The following MUC3A variants were observed in gnomAD, a reference collection of about 807,000 sequenced individuals.
MUC3A encodes mucin-3A.
Under a neutral mutation model 109.0 loss-of-function variants are expected in MUC3A, and 109 were observed. That is an observed-to-expected ratio of 1.00 (90% CI 0.86 to 1.17). The LOEUF is 1.17. Among genes scored for constraint, MUC3A ranks in the 50% most tolerant of loss-of-function variants. MUC3A has a pLI of 0.00. For synonymous variants in MUC3A, 1,398 were observed against 981.4 expected, an observed-to-expected ratio of 1.42 and a Z score of -7.93; for missense variants, 3,537 against 2,469.4, an observed-to-expected ratio of 1.43 and a Z score of -9.16.
Position 100,962,811 on chromosome 7 carries a change from C to CTCTT in MUC3A, c.9053-318_9053-315dup, listed in dbSNP as rs955627924. On this transcript the variant is annotated intron_variant, in intron 3 of 11. Transcript: ENST00000379458. ...TCTTTCTTTCTTTCTCTCTCTCTCT[C>CTCTT]TCTTTCTTTCTTTCTTTCTTTCTTT... is the stretch of plus-strand genomic sequence containing the variant. Among the ~76,000 whole-genome samples the CTCTT allele has an allele frequency of 1.1e-3, 137 of 126,564 alleles. 1 individual carries two copies. Among genetic ancestry groups the CTCTT allele is most frequent in the Admixed American group, 2.2e-3 (27 of 12,446 alleles). The allele number at this position is 126,564 out of a possible 152,430, so 83.0% of individuals were successfully genotyped here.
Position 100,956,798 on chromosome 7 carries a change from G to C in MUC3A, c.5019G>C (p.Gly1673=), listed in dbSNP as rs931883776. 1 of 413,172 alleles carries C rather than the reference G, an allele frequency of 2.4e-6. No homozygotes were observed. Among genetic ancestry groups the C allele is most frequent in the Non-Finnish European group, 4.2e-6 (1 of 236,450 alleles). 25.6% of individuals were successfully genotyped at this position (413,172 alleles called of 1,614,324 possible). A position where few individuals can be genotyped will look rare whatever the true frequency, so the allele number is the denominator to read the frequency against. ...FSSSMSASSV[G]TTHTQSISSP... ...CTTCCATGTCTGCCAGCAGTGTAGG[G>C]ACCACTCACACCCAGAGTATCTCCT... is the stretch of plus-strand genomic sequence containing the variant. Residue 1673 remains glycine, a synonymous_variant, in exon 2 of 12, where the codon GGG becomes GGC. Transcript: ENST00000379458.
Position 100,966,521 on chromosome 7 carries a change from G to T in MUC3A, c.9747G>T (p.Ala3249=). The T allele has an allele frequency of 2.3e-6, 3 of 1,312,384 alleles. No homozygotes were observed. The highest frequency in any genetic ancestry group is 2.9e-6 in the Non-Finnish European group (3 of 1,040,682). The allele number at this position is 1,312,384 out of a possible 1,614,324, so 81.3% of individuals were successfully genotyped here. The change falls in exon 9 of 12, where the codon GCG becomes GCT. Residue 3249 remains alanine, a synonymous_variant. Coordinates refer to ENST00000379458, the MANE Select transcript of MUC3A (RefSeq NM_005960.2). Reference sequence around the variant, plus strand: ...TGCTGCTGGCGCTGGGCGTCCGGGCGGTGCGCTCCGGATGGTGGGGCGGCC... The same window carrying T: ...TGCTGCTGGCGCTGGGCGTCCGGGCTGTGCGCTCCGGATGGTGGGGCGGCC... ...VLLLLALGVR[A]VRSGWWGGQR...
At position 100,964,871 on chromosome 7, in the gene MUC3A, G is replaced by A. The variant is rs778640785; in HGVS notation, c.9382+28G>A. The stretch of plus-strand genomic sequence containing the variant: ...GAGCCCAGGCTGGAGGGAGGGGCCA[G>A]GGCCTGAGGTGTCACCCCAGCCCAC... On this transcript the variant is annotated intron_variant, in intron 6 of 11. Coordinates refer to ENST00000379458, the MANE Select transcript of MUC3A (RefSeq NM_005960.2). 26 of 1,581,162 alleles carry A rather than the reference G, an allele frequency of 1.6e-5. No homozygotes were observed. In the African/African-American group the frequency reaches 1.9e-4, roughly 11 times the overall value.
chr7:100,964,558 G>C, intron 5 of MUC3A, 137 bp from the exon 6 acceptor site: 1 of 1,379,804 alleles, frequency 7.2e-7, no homozygotes, highest in Non-Finnish European at 9.6e-7. Flanking sequence ...CTTCTGAAAA[G>C]GATGCACGTG....
Position 100,959,231 on chromosome 7 carries a change from C to G in MUC3A, c.7452C>G (p.Ile2484Met), listed in dbSNP as rs201702556. The change falls in exon 2 of 12, where the codon ATC becomes ATG. Residue 2484 changes from isoleucine to methionine, a missense_variant. Physicochemically the swap from Ile to Met is conservative, Grantham distance 10 (BLOSUM62 1). Transcript: ENST00000379458. ...CCCCATCTTCTCTGAGTACAGACAT[C>G]CCGACCACAAGCCTACGAACTCTCA... Reference protein sequence around the residue: ...PVTPSSLSTDIPTTSLRTLTP... With the variant: ...PVTPSSLSTDMPTTSLRTLTP... 3.1e-6 allele frequency: 5 copies of G among 1,598,318 alleles called. No homozygotes were observed. The highest frequency in any genetic ancestry group is 4.2e-6 in the Non-Finnish European group (5 of 1,179,680).
chr7:100,966,374 G>T lies in MUC3A; in HGVS notation c.9612-12G>T. 1.5e-6 allele frequency: 2 copies of T among 1,323,266 alleles called. No individual in the cohort carries two copies. Among genetic ancestry groups the T allele is most frequent in the East Asian group, 2.8e-5 (1 of 35,826 alleles). The allele number at this position is 1,323,266 out of a possible 1,614,324, so 82.0% of individuals were successfully genotyped here. A position where few individuals can be genotyped will look rare whatever the true frequency, so the allele number is the denominator to read the frequency against. On this transcript the variant is annotated splice_polypyrimidine_tract_variant and intron_variant, in intron 8 of 11. Coordinates refer to ENST00000379458, the MANE Select transcript of MUC3A (RefSeq NM_005960.2). The stretch of plus-strand genomic sequence containing the variant: ...GGAGGTGAAGAGGGTCTGACCCTGC[G>T]ATCTCCCGCAGCTGCTACTCCACCG...
In MUC3A at chr7:100,953,401, C is replaced by T. The variant is rs910648698; in HGVS notation, c.1622C>T (p.Ala541Val). The change falls in exon 2 of 12, where the codon GCC becomes GTC. Residue 541 changes from alanine to valine, a missense_variant. Ala to Val is a moderately conservative substitution (Grantham distance 64). Transcript: ENST00000379458. ...TATTCATTTTCATCTTCCATGTCTG[C>T]CAGCAGTGCTGGGACCACTCACACA... ...ATYSFSSSMSASSAGTTHTES... is the reference protein window; with the variant it reads ...ATYSFSSSMSVSSAGTTHTES... 149 of 512,294 alleles carry T rather than the reference C, an allele frequency of 2.9e-4. No individual in the cohort carries two copies. Among genetic ancestry groups the T allele is most frequent in the Non-Finnish European group, 4.3e-4 (127 of 294,596 alleles). The allele number at this position is 512,294 out of a possible 1,614,324, so 31.7% of individuals were successfully genotyped here.
In MUC3A at chr7:100,955,858, T is replaced by G; in HGVS notation, c.4079T>G (p.Phe1360Cys). 1 of 472,912 alleles carries G rather than the reference T, an allele frequency of 2.1e-6. No individual in the cohort carries two copies. Among genetic ancestry groups the G allele is most frequent in the Non-Finnish European group, 3.7e-6 (1 of 270,152 alleles). The allele number at this position is 472,912 out of a possible 1,614,324, so 29.3% of individuals were successfully genotyped here. The change falls in exon 2 of 12, where the codon TTC becomes TGC. Residue 1360 changes from phenylalanine (F) to cysteine (C), a missense_variant. Phe to Cys is a radical substitution (Grantham distance 205). Coordinates refer to ENST00000379458, the MANE Select transcript of MUC3A (RefSeq NM_005960.2). ...QTTFPSSTAT[F>C]LETTTLTPTT... ...ACCTTCCCCAGCTCTACAGCCACAT[T>G]CCTTGAGACCACCACACTGACTCCT...
chr7:100,951,720 A>G (rs188553383), intron 1 of MUC3A, 121 bp from the exon 2 acceptor site: 1 of 1,441,334 alleles, frequency 6.9e-7, no homozygotes, highest in Non-Finnish European at 9.3e-7. Flanking sequence ...AGTCAGCTGT[A>G]ATATGCCCTG....
rs1040373284 is a variant in MUC3A at position 100,955,339 on chromosome 7, C to T, written c.3560C>T (p.Thr1187Ile). 3.8e-5 allele frequency: 27 copies of T among 701,446 alleles called. No individual in the cohort carries two copies. The highest frequency in any genetic ancestry group is 6.1e-5 in the South Asian group (4 of 65,826). 43.5% of individuals were successfully genotyped at this position (701,446 alleles called of 1,614,324 possible). Residue 1187 changes from threonine (T) to isoleucine (I), a missense_variant, in exon 2 of 12, where the codon ACC becomes ATC. Thr to Ile is a moderately conservative substitution (Grantham distance 89, BLOSUM62 -1). Coordinates refer to ENST00000379458, the MANE Select transcript of MUC3A (RefSeq NM_005960.2). ...ACCATGGTAACTTCCACAACCATGA[C>T]CCCATCTTCTCTGAGTACAGACACC... The part of the protein sequence containing the change: ...SGTMVTSTTM[T>I]PSSLSTDTPS...
In MUC3A at chr7:100,967,122, TG is replaced by T; in HGVS notation, c.9933del (p.His3312ThrfsTer7). 1 of 1,598,544 alleles carries T rather than the reference TG, an allele frequency of 6.3e-7. No individual in the cohort carries two copies. The highest frequency in any genetic ancestry group is 8.5e-7 in the Non-Finnish European group (1 of 1,179,820). ...CGTCCCTCACTGTGACTCTGACAGG[TG>T]CACATCAAGAGACCCGAGATGACCT... ...ALENVDTTMK[V>X]HIKRPEMTSS... On this transcript the variant is annotated frameshift_variant and splice_region_variant, in exon 12 of 12. Coordinates refer to ENST00000379458, the MANE Select transcript of MUC3A (RefSeq NM_005960.2). LOFTEE classifies it high-confidence loss of function.
intron 3 of MUC3A, among the ~76,000 whole-genome samples, chr7:100,962,392 T>C (rs1485568561): frequency 3.3e-5 from 5 of 152,302 alleles, no homozygotes; most frequent in African/African-American, 1.2e-4. Context: ...CACTTCAGCC[T>C]GGATGACAGA....
chr7:100,966,218 G>A (rs1204148706), intron 8 of MUC3A, 168 bp from the exon 9 acceptor site: 1 of 575,300 alleles, frequency 1.7e-6, no homozygotes, highest in Non-Finnish European at 2.4e-6. Flanking sequence ...CTAGGGTAGA[G>A]CCCCGGCCCC....
At position 100,952,420 on chromosome 7, in the gene MUC3A, C is replaced by G. The variant is rs754858120; in HGVS notation, c.641C>G (p.Thr214Ser). The G allele has an allele frequency of 1.3e-6, 2 of 1,598,476 alleles. No individual in the cohort carries two copies. Among genetic ancestry groups the G allele is most frequent in the African/African-American group, 1.3e-5 (1 of 74,958 alleles). The change falls in exon 2 of 12, where the codon ACC becomes AGC. Residue 214 changes from threonine (T) to serine (S), a missense_variant. Transcript: ENST00000379458. ...TPSSVSATDT[T>S]FHTTISSTTR... ...TCCTCTGTGTCAGCCACAGACACAA[C>G]CTTCCACACTACAATCTCGTCTACA...
Position 100,959,962 on chromosome 7 carries a change from C to A in MUC3A, c.8183C>A (p.Thr2728Lys). ...GAAAATGTGGGCTCCGCTTCTATCA[C>A]AGGCTTTCCTAGTCTCTCTTCCTCT... is the stretch of plus-strand genomic sequence containing the variant. Reference protein sequence around the residue: ...STENVGSASITGFPSLSSSAT... With the variant: ...STENVGSASIKGFPSLSSSAT... The change falls in exon 2 of 12, where the codon ACA becomes AAA. Residue 2728 changes from threonine (T) to lysine (K), a missense_variant. Transcript: ENST00000379458. 1.3e-6 allele frequency: 2 copies of A among 1,509,904 alleles called. No homozygotes were observed. Among genetic ancestry groups the A allele is most frequent in the Non-Finnish European group, 8.8e-7 (1 of 1,140,430 alleles). The allele number at this position is 1,509,904 out of a possible 1,614,324, so 93.5% of individuals were successfully genotyped here.
Position 100,960,163 on chromosome 7 carries a change from C to A in MUC3A, c.8384C>A (p.Ala2795Asp). The A allele has an allele frequency of 6.4e-7, 1 of 1,570,238 alleles. No individual in the cohort carries two copies. Among genetic ancestry groups the A allele is most frequent in the East Asian group, 2.2e-5 (1 of 44,652 alleles). Residue 2795 changes from alanine to aspartate, a missense_variant, in exon 2 of 12, where the codon GCT (alanine) becomes GAT (aspartate). Ala to Asp is a moderately radical substitution (Grantham distance 126, BLOSUM62 -2). Transcript: ENST00000379458. ...GTTGAAATGGATCCCAGCACTGAAG[C>A]TACTTCTCCTCCCACCACCCCATTA... The part of the protein sequence containing the change: ...PCVEMDPSTE[A>D]TSPPTTPLTV...
chr7:100,950,330 C>G (rs1326204241), intron 1 of MUC3A, among the ~76,000 whole-genome samples: 2 of 151,718 alleles, frequency 1.3e-5, no homozygotes, highest in Admixed American at 1.3e-4. Context: ...CGTGGGGTCC[C>G]AGGCTTCTCT....
In MUC3A at chr7:100,960,441, A is replaced by G; in HGVS notation, c.8662A>G (p.Thr2888Ala). 1 of 1,598,586 alleles carries G rather than the reference A, an allele frequency of 6.3e-7. No homozygotes were observed. The change falls in exon 2 of 12, where the codon ACC becomes GCC. Residue 2888 changes from threonine (T) to alanine (A), a missense_variant. Thr to Ala is a moderately conservative substitution (Grantham distance 58, BLOSUM62 0). Transcript: ENST00000379458. ...CCCCCTACCTCTTCCTGGCGTCTCTACCATCCCGCTCACCATGAAACCAAG... is the reference window on the plus strand; with the variant it reads ...CCCCCTACCTCTTCCTGGCGTCTCTGCCATCCCGCTCACCATGAAACCAAG... Reference protein sequence around the residue: ...VIPLPLPGVSTIPLTMKPSSS... With the variant: ...VIPLPLPGVSAIPLTMKPSSS...
In MUC3A at chr7:100,967,494, C is replaced by T. The variant is rs989808376; in HGVS notation, c.*332C>T. On this transcript the variant is annotated 3_prime_UTR_variant, in exon 12 of 12. Transcript: ENST00000379458. The stretch of plus-strand genomic sequence containing the variant: ...AAACCACATAGACTTGGTCAATTCT[C>T]GGTCCTACTCTGCCCTCCCGTCTCA... 5.5e-6 allele frequency: 3 copies of T among 542,348 alleles called. No individual in the cohort carries two copies. The highest frequency in any genetic ancestry group is 2.9e-5 in the East Asian group (1 of 34,068). The allele number at this position is 542,348 out of a possible 1,614,324, so 33.6% of individuals were successfully genotyped here.
Sources: gnomAD v4.1 joint callset for allele counts (sites outside exome capture counted in the v4.1 genomes callset) on GRCh38, gnomAD v4.1.1 for gene constraint, MANE v1.5 for transcripts, NCBI Gene and HGNC (gene_info 2026-07-23, HGNC 2026-07-21) for gene names.